Variants in ARHGAP8 observed in about 807,000 individuals in gnomAD.
ARHGAP8 encodes the protein rho GTPase-activating protein 8.
Under a neutral mutation model 46.1 loss-of-function variants are expected in ARHGAP8, and 62 were observed. The observed-to-expected ratio is 1.34, with a 90% CI of 1.10 to 1.66. ARHGAP8 has a LOEUF of 1.66. Among genes scored for constraint, ARHGAP8 ranks in the 40% most tolerant of loss-of-function variants. ARHGAP8 has a pLI of 0.00. For synonymous variants in ARHGAP8, 375 were observed against 243.1 expected, an observed-to-expected ratio of 1.54 and a Z score of -5.05; for missense variants, 923 against 568.4, an observed-to-expected ratio of 1.62 and a Z score of -6.34.
chr22:44,783,566 C>G (rs368499760), intron 1 of ARHGAP8, among the ~76,000 whole-genome samples: 3 of 152,202 alleles, frequency 2.0e-5, no homozygotes, highest in Non-Finnish European at 2.9e-5. Flanking sequence ...GCACCCACCT[C>G]CCCTAGGTCT....
chr22:44,804,793 C>G (rs1027702609), intron 3 of ARHGAP8, among the ~76,000 whole-genome samples: 16 of 152,150 alleles, frequency 1.1e-4, no homozygotes, highest in African/African-American at 3.4e-4. Flanking sequence ...GAGAGTCCCC[C>G]CAATATATGC....
chr22:44,782,281 G>A (rs1469673667), intron 1 of ARHGAP8, among the ~76,000 whole-genome samples: 1 of 152,164 alleles, frequency 6.6e-6, no homozygotes, highest in Non-Finnish European at 1.5e-5. Flanking sequence ...AGATTACAGT[G>A]AGCCAAGATC....
chr22:44,769,776 A>G (rs183739692), intron 1 of ARHGAP8, among the ~76,000 whole-genome samples: 138 of 152,304 alleles, frequency 9.1e-4, no homozygotes, highest in Non-Finnish European at 1.6e-3. Flanking sequence ...TTGAGACCGC[A>G]GGATTGCGGT....
chr22:44,797,486 G>A (rs1928175993), intron 2 of ARHGAP8, among the ~76,000 whole-genome samples: 1 of 152,148 alleles, frequency 6.6e-6, no homozygotes. Context: ...ACTCCCACTT[G>A]GCAAGGGAAG....
chr22:44,760,681 A>G (rs1925063454), intron 1 of ARHGAP8, among the ~76,000 whole-genome samples: 2 of 152,356 alleles, frequency 1.3e-5, no homozygotes, highest in South Asian at 4.1e-4. Context: ...GTGAGGGTCT[A>G]TTTGTGTAAT....
intron 3 of ARHGAP8, among the ~76,000 whole-genome samples, chr22:44,804,122 A>C (rs1178598755): frequency 6.6e-6 from 1 of 151,642 alleles, no homozygotes; most frequent in African/African-American, 2.4e-5. Context: ...TGGGCCTCGC[A>C]CCCTGCACCC....
chr22:44,765,652 C>T (rs1396622503), intron 1 of ARHGAP8, among the ~76,000 whole-genome samples: 1 of 152,154 alleles, frequency 6.6e-6, no homozygotes, highest in African/African-American at 2.4e-5. Context: ...AGTGGCATGA[C>T]AGGGTGGCAG....
At chr22:44,857,402 G>A (rs1484484865) in intron 10 of ARHGAP8, among the ~76,000 whole-genome samples, 1 of 152,162 alleles carries the variant, frequency 6.6e-6, no homozygotes, top group Non-Finnish European at 1.5e-5. Flanking sequence ...TAGGTTCCTT[G>A]GTGGGGGCCC....
intron 5 of ARHGAP8, among the ~76,000 whole-genome samples, chr22:44,818,214 C>T (rs548109870): frequency 4.8e-4 from 73 of 151,952 alleles, no homozygotes; most frequent in Non-Finnish European, 9.4e-4. Context: ...TTTGGGAGGC[C>T]GAGATGGGAG....
In ARHGAP8 at chr22:44,805,712, T is replaced by C. The variant is rs1360814297; in HGVS notation, c.168-2595T>C. On this transcript the variant is annotated intron_variant, in intron 3 of 11. Coordinates refer to ENST00000356099, the MANE Select transcript of ARHGAP8 (RefSeq NM_181335.3). The stretch of plus-strand genomic sequence containing the variant: ...CTTTTTCTAACTCATGCAAAGGTGC[T>C]CTGTGGGCTTCTCGGCCTTGATAAG... 5.3e-5 allele frequency among the ~76,000 whole-genome samples: 8 copies of C among 152,318 alleles called. No individual in the cohort carries two copies. The East Asian group carries it at 1.5e-3, about 29-fold the overall frequency.
At chr22:44,849,943 C>T (rs2070053505) in intron 10 of ARHGAP8, 1 of 152,192 alleles carries the variant, frequency 6.6e-6, no homozygotes, top group African/African-American at 2.4e-5. Context: ...TGTCACTCAT[C>T]AGGGGCCCTG....
rs182170797 is a variant in ARHGAP8 at position 44,769,884 on chromosome 22, C to T, written c.-71-16573C>T. Among the ~76,000 whole-genome samples, 4 of 152,286 alleles carry T rather than the reference C, an allele frequency of 2.6e-5. No homozygotes were observed. In the East Asian group the frequency reaches 7.7e-4, roughly 29 times the overall value. On this transcript the variant is annotated intron_variant, in intron 1 of 11. Transcript: ENST00000356099. ...TGAAAATTCAGAGGCTAGGGTTTCT[C>T]AAGGATATTTTGGCAGGCAGAGGGC...
chr22:44,799,635 G>T lies in ARHGAP8; in HGVS notation c.80-2442G>T, dbSNP rs115415392. On this transcript the variant is annotated intron_variant, in intron 2 of 11. Transcript: ENST00000356099. ...GTGTGGGTTTGGCTCCCTCCCCACT[G>T]CTGCCTGTACCCCTTTGTGCCCTGT... 9.2e-3 allele frequency among the ~76,000 whole-genome samples: 1,407 copies of T among 152,194 alleles called. 21 individuals carry two copies. The highest frequency in any genetic ancestry group is 0.031 in the Middle Eastern group (9 of 294).
At chr22:44,848,784 T>TG (rs1275424163) in intron 9 of ARHGAP8, 148 bp from the exon 10 acceptor site, 1 of 1,424,262 alleles carries the variant, frequency 7.0e-7, no homozygotes, top group Non-Finnish European at 9.4e-7. Flanking sequence ...CATTTCTAGG[T>TG]GGGGACAGCA....
Position 44,790,579 on chromosome 22 carries a change from A to G in ARHGAP8, c.79+3973A>G, listed in dbSNP as rs1336283272. 4.0e-5 allele frequency among the ~76,000 whole-genome samples: 6 copies of G among 150,624 alleles called. No homozygotes were observed. The South Asian group carries it at 1.3e-3, about 32-fold the overall frequency. On this transcript the variant is annotated intron_variant, in intron 2 of 11. Coordinates refer to ENST00000356099, the MANE Select transcript of ARHGAP8 (RefSeq NM_181335.3). The stretch of plus-strand genomic sequence containing the variant: ...TAATCCCAGCTACTTGGGAGGCTGA[A>G]ACAGGAGAATCGCTTGAACCCGGGA...
At chr22:44,823,605 G>A (rs1365648958) in intron 6 of ARHGAP8, among the ~76,000 whole-genome samples, 1 of 152,092 alleles carries the variant, frequency 6.6e-6, no homozygotes, top group Non-Finnish European at 1.5e-5. Flanking sequence ...TCGCCCGTGG[G>A]CCCTGGCAAG....
At chr22:44,763,741 C>T (rs1458556932) in intron 1 of ARHGAP8, among the ~76,000 whole-genome samples, 1 of 150,666 alleles carries the variant, frequency 6.6e-6, no homozygotes, top group Non-Finnish European at 1.5e-5. Context: ...GGCAATTGCA[C>T]TTCCACCAGA....
chr22:44,824,839 G>A (rs1037972081), intron 6 of ARHGAP8, among the ~76,000 whole-genome samples: 17 of 151,814 alleles, frequency 1.1e-4, no homozygotes, highest in African/African-American at 3.9e-4. Flanking sequence ...CATCATGTTG[G>A]CCGGGCTGGT....
At position 44,825,525 on chromosome 22, in the gene ARHGAP8, G is replaced by GCCTCCCACCAAGACACCA; in HGVS notation, c.531_548dup (p.Thr179_Pro184dup). 2 of 1,613,272 alleles carry GCCTCCCACCAAGACACCA rather than the reference G, an allele frequency of 1.2e-6. No homozygotes were observed. The highest frequency in any genetic ancestry group is 1.7e-5 in the Admixed American group (1 of 59,980). Reference sequence around the variant, plus strand: ...AGAGCCTGCACGAGGGCCGGACGCCGCCTCCCACCAAGACACCACCGCCGC... The same window carrying GCCTCCCACCAAGACACCA: ...AGAGCCTGCACGAGGGCCGGACGCCGCCTCCCACCAAGACACCACCTCCCACCAAGACACCACCGCCGC... On this transcript the variant is annotated inframe_insertion, in exon 7 of 12. Transcript: ENST00000356099.
Sources: allele counts gnomAD v4.1 joint callset (sites outside exome capture counted in the v4.1 genomes callset), GRCh38; gene constraint gnomAD v4.1.1; transcripts MANE v1.5; gene names NCBI Gene and HGNC (gene_info 2026-07-23, HGNC 2026-07-21).